Variants in EML5 observed in about 807,000 individuals in gnomAD.
The protein encoded by EML5 is EMAP like 5.
EML5 carries 120 observed loss-of-function variants against 250.0 expected under a neutral mutation model. That is an observed-to-expected ratio of 0.48 (90% confidence interval 0.41 to 0.56). The LOEUF (loss-of-function observed/expected upper bound fraction) is 0.56, where lower values mean the gene tolerates loss of function less well. Among genes scored for constraint, EML5 ranks in the 20% least tolerant of loss-of-function variants. The pLI, the probability that EML5 is intolerant of heterozygous loss-of-function variation, is 0.00. For synonymous variants in EML5, 771 were observed against 806.5 expected, an observed-to-expected ratio of 0.96 and a Z score of 0.75; for missense variants, 2,006 against 2,437.6, an observed-to-expected ratio of 0.82 and a Z score of 3.73.
At chr14:88,777,757 C>T (rs966277384) in intron 1 of EML5, among the ~76,000 whole-genome samples, 1 of 152,190 alleles carries the variant, frequency 6.6e-6, no homozygotes, top group Admixed American at 6.5e-5. Flanking sequence ...AGGCAGATTG[C>T]TTGAGCCCAG....
chr14:88,754,372 C>A (rs2094135342), intron 2 of EML5, 140 bp downstream of exon 2: 1 of 662,088 alleles, frequency 1.5e-6, no homozygotes, highest in Non-Finnish European at 2.3e-6. Context: ...ATATATCAAC[C>A]TCCCACCCCA....
intron 30 of EML5, among the ~76,000 whole-genome samples, chr14:88,643,562 T>C (rs2091185085): frequency 6.6e-6 from 1 of 152,200 alleles, no homozygotes; most frequent in Non-Finnish European, 1.5e-5. Context: ...CTGTGGATTT[T>C]GGCATCCCCA....
Position 88,627,040 on chromosome 14 carries a change from T to G in EML5, c.4538A>C (p.Lys1513Thr). 6.2e-7 allele frequency: 1 copy of G among 1,613,808 alleles called. No homozygotes were observed. The highest frequency in any genetic ancestry group is 1.3e-5 in the African/African-American group (1 of 75,028). The change falls in exon 35 of 44, where the codon AAA becomes ACA. Residue 1513 changes from lysine to threonine, a missense_variant. Lys to Thr is a moderately conservative substitution (Grantham distance 78). Around this residue, in one of 7 missense-constraint regions of EML5, gnomAD observed 405 missense variants for 523.3 expected, o/e 0.77. Transcript: ENST00000554922. ...ITIWRWQEGA[K>T]IASRAGHNQR... ...ATTGTGACCAGCTCTGCTGGCAATT[T>G]TGGCACCTGACAAGATACAACAAAA... is the stretch of plus-strand genomic sequence containing the variant.
intron 17 of EML5, among the ~76,000 whole-genome samples, chr14:88,688,937 G>A (rs1372243253): frequency 6.6e-6 from 1 of 152,022 alleles, no homozygotes; most frequent in Admixed American, 6.6e-5. Flanking sequence ...ATAAATATTT[G>A]TGAATTTTTA....
rs1443224518 is a variant in EML5 at position 88,616,885 on chromosome 14, G to A, written c.5643-6C>T. The A allele has an allele frequency of 9.3e-6, 15 of 1,612,250 alleles. No individual in the cohort carries two copies. Among genetic ancestry groups the A allele is most frequent in the Non-Finnish European group, 1.2e-5 (14 of 1,179,202 alleles). ...AAACCTCATCTCCTAGAATACTAGA[G>A]GGAAGGAACAAAAGAAAACTCATCA... On this transcript the variant is annotated splice_region_variant and splice_polypyrimidine_tract_variant and intron_variant, in intron 41 of 43. Coordinates refer to ENST00000554922, the MANE Select transcript of EML5 (RefSeq NM_183387.3).
At chr14:88,758,200 A>AT (rs34468045) in intron 1 of EML5, among the ~76,000 whole-genome samples, 3,956 of 149,248 alleles carry the variant, frequency 0.027, 74 homozygotes, top group Middle Eastern at 0.038. Flanking sequence ...ATGTGTATTT[A>AT]TTTTTTTTTG....
At chr14:88,747,833 A>C (rs1474718269) in intron 2 of EML5, among the ~76,000 whole-genome samples, 2 of 152,240 alleles carry the variant, frequency 1.3e-5, no homozygotes, top group African/African-American at 4.8e-5. Flanking sequence ...TTAAAAACAC[A>C]AAAGATGGAC....
At chr14:88,687,755 TA>T (rs201928279) in intron 18 of EML5, among the ~76,000 whole-genome samples, 4 of 143,638 alleles carry the variant, frequency 2.8e-5, no homozygotes, top group South Asian at 2.3e-4. Context: ...AGTTAAACTT[TA>T]AAAAAAAACA....
intron 7 of EML5, among the ~76,000 whole-genome samples, chr14:88,732,619 G>C (rs1222810965): frequency 1.3e-5 from 2 of 152,146 alleles, no homozygotes; most frequent in Non-Finnish European, 2.9e-5. Context: ...TAGCTTGATG[G>C]GGATGGCATT....
intron 9 of EML5, among the ~76,000 whole-genome samples, chr14:88,714,607 A>G (rs918392436): frequency 7.2e-5 from 11 of 152,168 alleles, no homozygotes; most frequent in Non-Finnish European, 1.6e-4. Context: ...ATTTAGCTTG[A>G]TTGTGGAAAT....
intron 17 of EML5, 81 bp downstream of exon 17, chr14:88,694,226 A>T: frequency 1.1e-6 from 1 of 886,878 alleles, no homozygotes; most frequent in Non-Finnish European, 1.8e-6. Context: ...AGTCTAGGGT[A>T]CACACTGCAC....
At chr14:88,775,904 G>C (rs534771836) in intron 1 of EML5, among the ~76,000 whole-genome samples, 1 of 146,604 alleles carries the variant, frequency 6.8e-6, no homozygotes, top group Non-Finnish European at 1.5e-5. Context: ...AGGTGGCTCA[G>C]AAGAGAGAGA....
At chr14:88,623,904 T>C (rs1270430295) in intron 36 of EML5, 1 of 152,184 alleles carries the variant, frequency 6.6e-6, no homozygotes, top group Non-Finnish European at 1.5e-5. Flanking sequence ...CTGAAAAATG[T>C]ATTCCTTCCT....
chr14:88,649,212 T>A (rs7147032), intron 28 of EML5, among the ~76,000 whole-genome samples: 1 of 152,042 alleles, frequency 6.6e-6, no homozygotes, highest in African/African-American at 2.4e-5. Flanking sequence ...TTACTTTTAT[T>A]TTTTGTAGAG....
intron 33 of EML5, among the ~76,000 whole-genome samples, chr14:88,629,201 A>C (rs2090270537): frequency 6.6e-6 from 1 of 152,142 alleles, no homozygotes; most frequent in South Asian, 2.1e-4. Flanking sequence ...TATATTTGCC[A>C]AATCATGATG....
rs1200888024 is a variant in EML5, at chr14:88,612,766, C to A, written c.*3052G>T. 2.0e-5 allele frequency: 3 copies of A among 152,396 alleles called. No homozygotes were observed. Among genetic ancestry groups the A allele is most frequent in the African/African-American group, 7.3e-5 (3 of 41,340 alleles). 9.4% of individuals were successfully genotyped at this position (152,396 alleles called of 1,614,324 possible). ...AAGATAGATAGGATGAAACTTTTGG[C>A]CTACTGTATTACTTACAGAGTTTTT... On this transcript the variant is annotated 3_prime_UTR_variant, in exon 44 of 44. Transcript: ENST00000554922.
At chr14:88,774,284 T>A (rs2094426608) in intron 1 of EML5, among the ~76,000 whole-genome samples, 1 of 152,220 alleles carries the variant, frequency 6.6e-6, no homozygotes, top group African/African-American at 2.4e-5. Context: ...AAGACCACAC[T>A]TTTCAGAAGC....
Position 88,625,145 on chromosome 14 carries a change from A to AG in EML5, c.4741-19dup, listed in dbSNP as rs771100704. 1 of 1,611,990 alleles carries AG rather than the reference A, an allele frequency of 6.2e-7. No individual in the cohort carries two copies. Among genetic ancestry groups the AG allele is most frequent in the African/African-American group, 1.3e-5 (1 of 74,918 alleles). On this transcript the variant is annotated intron_variant, in intron 35 of 43. Coordinates refer to ENST00000554922, the MANE Select transcript of EML5 (RefSeq NM_183387.3). ...AAGTTATTCTGAAAAGGAGTGGGGGAGGGGGAGACAAACTCATCAAAAGTT... is the reference window on the plus strand; with the variant it reads ...AAGTTATTCTGAAAAGGAGTGGGGGAGGGGGGAGACAAACTCATCAAAAGTT...
At position 88,694,384 on chromosome 14, in the gene EML5, A is replaced by G. The variant is rs775855167; in HGVS notation, c.2462T>C (p.Val821Ala). 3 of 1,585,482 alleles carry G rather than the reference A, an allele frequency of 1.9e-6. No individual in the cohort carries two copies. The South Asian group carries it at 3.5e-5, about 18-fold the overall frequency. ...IARGSKDKIF[V>A]VKMNPYVPDK... ...AGGCACATAGGGGTTCATCTTTACA[A>G]CAAAAATCTTATCTTTACTTCCTCT... is the stretch of plus-strand genomic sequence containing the variant. The change falls in exon 17 of 44, where the codon GTT becomes GCT. Residue 821 changes from valine to alanine, a missense_variant. By Grantham distance (64) the Val-to-Ala change is moderately conservative. Coordinates refer to ENST00000554922, the MANE Select transcript of EML5 (RefSeq NM_183387.3).
Sources: gnomAD v4.1 joint callset for allele counts (sites outside exome capture counted in the v4.1 genomes callset) on GRCh38, gnomAD v4.1.1 for gene constraint, gnomAD v4.1.1 regional missense constraint, MANE v1.5 for transcripts, NCBI Gene and HGNC (gene_info 2026-07-23, HGNC 2026-07-21) for gene names.